The following NAALADL2 variants were observed in gnomAD, a reference collection of about 807,000 sequenced individuals.
The protein encoded by NAALADL2 is N-acetylated alpha-linked acidic dipeptidase like 2, also known as inactive N-acetylated-alpha-linked acidic dipeptidase-like protein 2.
In NAALADL2, 76 loss-of-function variants were observed where a neutral mutation model predicts 87.2. The observed-to-expected ratio is 0.87, with a 90% CI of 0.72 to 1.05. The LOEUF (loss-of-function observed/expected upper bound fraction) is 1.05, where lower values mean the gene tolerates loss of function less well. NAALADL2 is among the 50% of genes least tolerant of loss of function. The pLI is 0.00. For synonymous variants in NAALADL2, 354 were observed against 331.0 expected (o/e 1.07, Z -0.75); for missense variants, 1,089 against 945.8 (o/e 1.15, Z -1.99).
intron 2 of NAALADL2, among the ~76,000 whole-genome samples, chr3:175,115,871 A>T (rs894924259): frequency 6.6e-6 from 1 of 151,934 alleles, no homozygotes; most frequent in Non-Finnish European, 1.5e-5. Flanking sequence ...GCAGCACATC[A>T]AAAAGCTTAT....
intron 3 of NAALADL2, among the ~76,000 whole-genome samples, chr3:174,820,242 G>A (rs1362537875): frequency 6.6e-6 from 1 of 152,146 alleles, no homozygotes; most frequent in African/African-American, 2.4e-5. Flanking sequence ...GTGGTTAGCA[G>A]ATGTTTTAGT....
intron 7 of NAALADL2, among the ~76,000 whole-genome samples, chr3:175,465,722 C>T (rs548496880): frequency 5.9e-5 from 9 of 152,212 alleles, no homozygotes; most frequent in South Asian, 2.1e-4. Flanking sequence ...CCACCTGTCT[C>T]GGCCTCCCAA....
intron 5 of NAALADL2, among the ~76,000 whole-genome samples, chr3:175,413,221 A>G (rs1481500218): frequency 7.0e-6 from 1 of 143,784 alleles, no homozygotes; most frequent in East Asian, 2.1e-4. Context: ...ACACAGTGAA[A>G]CCCAGGAGAT....
chr3:174,500,848 T>A (rs1718832900), intron 1 of NAALADL2, among the ~76,000 whole-genome samples: 1 of 146,152 alleles, frequency 6.8e-6, no homozygotes, highest in Admixed American at 7.1e-5. Flanking sequence ...ATTTTTGGAT[T>A]CCATTGGATA....
At chr3:174,727,369 T>C (rs73884704) in intron 2 of NAALADL2, among the ~76,000 whole-genome samples, 1 of 152,002 alleles carries the variant, frequency 6.6e-6, no homozygotes, top group East Asian at 1.9e-4. Flanking sequence ...TAATGTTCAC[T>C]CATTTTTGAT....
intron 4 of NAALADL2, among the ~76,000 whole-genome samples, chr3:175,267,826 T>A (rs765437601): frequency 2.0e-5 from 3 of 152,132 alleles, no homozygotes; most frequent in Non-Finnish European, 4.4e-5. Flanking sequence ...GGGATTTGAG[T>A]CCCAGCTCTA....
intron 5 of NAALADL2, among the ~76,000 whole-genome samples, chr3:175,405,684 A>C (rs1248569798): frequency 6.7e-6 from 1 of 148,560 alleles, no homozygotes; most frequent in Admixed American, 6.9e-5. Context: ...TGGAGAAATA[A>C]CAATGAACAA....
intron 11 of NAALADL2, among the ~76,000 whole-genome samples, chr3:175,657,643 C>T (rs187095300): frequency 6.6e-6 from 1 of 150,958 alleles, no homozygotes; most frequent in African/African-American, 2.4e-5. Context: ...TGCAGTGGCA[C>T]GATCTGGGCT....
At chr3:175,578,905 A>C (rs1719317398) in intron 10 of NAALADL2, among the ~76,000 whole-genome samples, 1 of 152,192 alleles carries the variant, frequency 6.6e-6, no homozygotes, top group Non-Finnish European at 1.5e-5. Flanking sequence ...TAAGAAGAAA[A>C]TTTTCTTCAA....
intron 9 of NAALADL2, among the ~76,000 whole-genome samples, chr3:175,555,548 T>C (rs2149499671): frequency 6.6e-6 from 1 of 152,306 alleles, no homozygotes; most frequent in East Asian, 1.9e-4. Context: ...CCTACCCAAC[T>C]GTATCACAAG....
At chr3:175,326,158 C>T (rs1760682260) in intron 5 of NAALADL2, among the ~76,000 whole-genome samples, 1 of 152,186 alleles carries the variant, frequency 6.6e-6, no homozygotes, top group African/African-American at 2.4e-5. Context: ...TTCTACCTTC[C>T]ATAAAGCCCT....
intron 3 of NAALADL2, among the ~76,000 whole-genome samples, chr3:174,757,796 C>T (rs1176070923): frequency 6.6e-6 from 1 of 152,090 alleles, no homozygotes. Flanking sequence ...AGCCACTGTG[C>T]CCAGCCTAGA....
At chr3:175,499,272 A>G (rs1477741627) in intron 9 of NAALADL2, among the ~76,000 whole-genome samples, 3 of 152,152 alleles carry the variant, frequency 2.0e-5, no homozygotes, top group Middle Eastern at 3.2e-3. Flanking sequence ...AATGATTAAC[A>G]TGCTACTAAT....
chr3:175,608,690 T>C (rs998020994), intron 10 of NAALADL2, among the ~76,000 whole-genome samples: 24 of 152,088 alleles, frequency 1.6e-4, no homozygotes, highest in Non-Finnish European at 3.2e-4. Context: ...GTTGATTTAA[T>C]AGTATTCTCA....
chr3:174,815,489 A>G (rs1466170068), intron 3 of NAALADL2, among the ~76,000 whole-genome samples: 1 of 152,146 alleles, frequency 6.6e-6, no homozygotes, highest in African/African-American at 2.4e-5. Flanking sequence ...CAGTGGCACA[A>G]TCTTAGCTCA....
intron 3 of NAALADL2, among the ~76,000 whole-genome samples, chr3:174,834,960 A>C (rs1723158058): frequency 6.6e-6 from 1 of 151,902 alleles, no homozygotes; most frequent in Non-Finnish European, 1.5e-5. Flanking sequence ...TGTAAATGTG[A>C]AATTTCTAGG....
At chr3:174,879,628 TAAA>T (rs1728937060) in intron 1 of NAALADL2, among the ~76,000 whole-genome samples, 1 of 152,102 alleles carries the variant, frequency 6.6e-6, no homozygotes, top group Non-Finnish European at 1.5e-5. Context: ...TCAAAAGAAT[TAAA>T]AATCAACATT....
At chr3:175,363,568 A>AT (rs1765255666) in intron 5 of NAALADL2, among the ~76,000 whole-genome samples, 1 of 147,492 alleles carries the variant, frequency 6.8e-6, no homozygotes, top group South Asian at 2.2e-4. Flanking sequence ...CCAGTGTCAA[A>AT]TGTTGGTAAT....
chr3:175,451,360 T>C (rs1388087417), intron 6 of NAALADL2, among the ~76,000 whole-genome samples: 1 of 152,072 alleles, frequency 6.6e-6, no homozygotes, highest in East Asian at 1.9e-4. Context: ...GGAAAAAGAA[T>C]CATGAAAAAA....
Sources: gnomAD v4.1 joint callset for allele counts (sites outside exome capture counted in the v4.1 genomes callset) on GRCh38, gnomAD v4.1.1 for gene constraint, MANE v1.5 for transcripts, NCBI Gene and HGNC (gene_info 2026-07-23, HGNC 2026-07-21) for gene names.